GOLGA5: variants seen among roughly 807,000 people sequenced by gnomAD.
GOLGA5 encodes golgin A5, also known as golgin subfamily A member 5.
A neutral mutation model predicts 93.5 loss-of-function variants in GOLGA5; 50 were observed. The observed-to-expected ratio is 0.53, with a 90% CI of 0.43 to 0.68. The LOEUF is 0.68. Ranked by LOEUF, GOLGA5 falls within the 30% of genes least tolerant of loss-of-function variation. The probability of loss-of-function intolerance (pLI) is 0.00; values close to 1 mark genes in which losing one functional copy is unlikely to be tolerated. For missense variants in GOLGA5, 760 were observed against 856.4 expected, an observed-to-expected ratio of 0.89 and a Z score of 1.40; for synonymous variants, 312 against 304.5, an observed-to-expected ratio of 1.02 and a Z score of -0.26.
intron 9 of GOLGA5, among the ~76,000 whole-genome samples, chr14:92,827,055 T>G (rs1672948356): frequency 6.6e-6 from 1 of 152,188 alleles, no homozygotes; most frequent in Non-Finnish European, 1.5e-5. Context: ...TCTCTCTGTA[T>G]ATATATATCT....
At chr14:92,832,597 A>G (rs1217149984) in intron 9 of GOLGA5, among the ~76,000 whole-genome samples, 1 of 152,254 alleles carries the variant, frequency 6.6e-6, no homozygotes, top group Non-Finnish European at 1.5e-5. Context: ...AGATTCAGAG[A>G]AGTATAGCAA....
intron 8 of GOLGA5, among the ~76,000 whole-genome samples, chr14:92,822,428 T>C (rs765845738): frequency 1.2e-4 from 18 of 152,200 alleles, no homozygotes; most frequent in Non-Finnish European, 2.4e-4. Context: ...ATTTCAGTGA[T>C]TTGGACACAT....
intron 7 of GOLGA5, among the ~76,000 whole-genome samples, chr14:92,817,761 A>G (rs1285417570): frequency 6.6e-6 from 1 of 152,212 alleles, no homozygotes; most frequent in Non-Finnish European, 1.5e-5. Context: ...CCTTGTCTAG[A>G]GCATAGACTT....
At chr14:92,823,502 C>G (rs966524869) in intron 8 of GOLGA5, among the ~76,000 whole-genome samples, 23 of 151,804 alleles carry the variant, frequency 1.5e-4, no homozygotes, top group African/African-American at 5.6e-4. Flanking sequence ...CAGCCTCGAC[C>G]TCCTCAGGCT....
rs1428371066 is a variant in GOLGA5 at position 92,810,319 on chromosome 14, G to T, written c.1058G>T (p.Arg353Ile). Reference protein sequence around the residue: ...QNQALQTFQERLHEADATLKR... With the variant: ...QNQALQTFQEILHEADATLKR... Reference sequence around the variant, plus strand: ...CAAGCTCTGCAGACTTTTCAGGAGAGACTGCATGAAGCGGATGCCACTCTG... The same window carrying T: ...CAAGCTCTGCAGACTTTTCAGGAGATACTGCATGAAGCGGATGCCACTCTG... Residue 353 changes from arginine (R) to isoleucine (I), a missense_variant, in exon 5 of 13, where the codon AGA becomes ATA. By Grantham distance (97) the Arg-to-Ile change is moderately conservative (BLOSUM62 -3). Transcript: ENST00000163416. 2.5e-6 allele frequency: 4 copies of T among 1,607,006 alleles called. No homozygotes were observed. Among genetic ancestry groups the T allele is most frequent in the Non-Finnish European group, 3.4e-6 (4 of 1,175,290 alleles).
chr14:92,817,032 C>A (rs974022490), intron 7 of GOLGA5, among the ~76,000 whole-genome samples: 3 of 151,834 alleles, frequency 2.0e-5, no homozygotes, highest in Non-Finnish European at 4.4e-5. Flanking sequence ...ACTCCACCTG[C>A]CAGGTTCCAG....
intron 7 of GOLGA5, among the ~76,000 whole-genome samples, chr14:92,817,481 TC>T (rs1164914279): frequency 3.3e-5 from 5 of 152,196 alleles, no homozygotes; most frequent in Non-Finnish European, 7.3e-5. Flanking sequence ...TACAGTTTTA[TC>T]CTTATTCTTA....
At chr14:92,803,184 C>T (rs544471515) in intron 2 of GOLGA5, among the ~76,000 whole-genome samples, 1 of 152,172 alleles carries the variant, frequency 6.6e-6, no homozygotes, top group African/African-American at 2.4e-5. Context: ...TGCAGGCACA[C>T]ACCGCCATGC....
intron 7 of GOLGA5, among the ~76,000 whole-genome samples, chr14:92,817,055 C>T (rs1206566365): frequency 6.6e-6 from 1 of 152,080 alleles, no homozygotes; most frequent in Non-Finnish European, 1.5e-5. Context: ...ATTCTCCTGC[C>T]TCAGCCTCTT....
chr14:92,819,605 C>T (rs1482079655), intron 7 of GOLGA5, 103 bp from the exon 8 acceptor site: 1 of 1,083,870 alleles, frequency 9.2e-7, no homozygotes, highest in African/African-American at 1.6e-5. Flanking sequence ...TGCACTCCAG[C>T]CTGGGTGACG....
chr14:92,839,381 T>G lies in GOLGA5; in HGVS notation c.2131T>G (p.Trp711Gly). 6.2e-7 allele frequency: 1 copy of G among 1,612,540 alleles called. No individual in the cohort carries two copies. The highest frequency in any genetic ancestry group is 8.5e-7 in the Non-Finnish European group (1 of 1,178,836). ...VIIYMALLHL[W>G]VMIVLLTYTP... ...CTTTCTCTAGGCTTTGCTTCACCTCTGGGTCATGATTGTTCTGTTGACTTA... is the reference window on the plus strand; with the variant it reads ...CTTTCTCTAGGCTTTGCTTCACCTCGGGGTCATGATTGTTCTGTTGACTTA... Residue 711 changes from tryptophan (W) to glycine (G), a missense_variant, in exon 13 of 13, where the codon TGG (tryptophan) becomes GGG (glycine). Physicochemically the swap from Trp to Gly is radical, Grantham distance 184. Coordinates refer to ENST00000163416, the MANE Select transcript of GOLGA5 (RefSeq NM_005113.4).
At chr14:92,813,890 A>G (rs1885150739) in intron 6 of GOLGA5, among the ~76,000 whole-genome samples, 2 of 152,058 alleles carry the variant, frequency 1.3e-5, no homozygotes, top group African/African-American at 2.4e-5. Context: ...CAGCTAAGAG[A>G]TATGTGGGAG....
intron 2 of GOLGA5, among the ~76,000 whole-genome samples, chr14:92,802,014 C>T (rs6575291): frequency 0.81 from 122,824 of 152,150 alleles, 50,110 homozygotes; most frequent in African/African-American, 0.91. Context: ...GTTCATGGAC[C>T]TTTCCACTCC....
intron 10 of GOLGA5, 34 bp downstream of exon 10, chr14:92,833,381 A>G (rs771479622): frequency 1.5e-6 from 2 of 1,361,958 alleles, no homozygotes; most frequent in East Asian, 2.3e-5. Flanking sequence ...AGAACATTTC[A>G]TTCAAACATG....
intron 2 of GOLGA5, 38 bp downstream of exon 2, chr14:92,798,019 C>G: frequency 7.9e-7 from 1 of 1,269,846 alleles, no homozygotes; most frequent in African/African-American, 1.5e-5. Flanking sequence ...TAGAGTTAAG[C>G]AAATTGAATG....
Position 92,811,622 on chromosome 14 carries a change from C to G in GOLGA5, c.1188C>G (p.Ala396=). The change falls in exon 6 of 13, where the codon GCC becomes GCG. Residue 396 remains alanine, a synonymous_variant. Coordinates refer to ENST00000163416, the MANE Select transcript of GOLGA5 (RefSeq NM_005113.4). ...RQNLAEAITL[A]ERKYSDEKKR... ...ATTTAGCAGAAGCAATTACACTGGCCGAAAGAAAATACTCAGATGAGAAGA... is the reference window on the plus strand; with the variant it reads ...ATTTAGCAGAAGCAATTACACTGGCGGAAAGAAAATACTCAGATGAGAAGA... 6.2e-7 allele frequency: 1 copy of G among 1,612,182 alleles called. No homozygotes were observed. The highest frequency in any genetic ancestry group is 8.5e-7 in the Non-Finnish European group (1 of 1,178,644).
Position 92,821,155 on chromosome 14 carries a change from T to G in GOLGA5, c.1620+1319T>G, listed in dbSNP as rs1475886004. ...TGTTATATCTCCTAGTATAGAAAAC[T>G]TCAAAACATATTATATTCATCAGTT... On this transcript the variant is annotated intron_variant, in intron 8 of 12. Transcript: ENST00000163416. Among the ~76,000 whole-genome samples, 5 of 152,358 alleles carry G rather than the reference T, an allele frequency of 3.3e-5. No homozygotes were observed. The East Asian group carries it at 7.7e-4, about 23-fold the overall frequency.
In GOLGA5 at chr14:92,808,613, A is replaced by ACTGC. The variant is rs574365085; in HGVS notation, c.773-686_773-683dup. Among the ~76,000 whole-genome samples the ACTGC allele has an allele frequency of 5.9e-3, 882 of 149,748 alleles. 13 individuals are homozygous for ACTGC. In the South Asian group the frequency reaches 0.062, roughly 11 times the overall value. On this transcript the variant is annotated intron_variant, in intron 3 of 12. Coordinates refer to ENST00000163416, the MANE Select transcript of GOLGA5 (RefSeq NM_005113.4). The stretch of plus-strand genomic sequence containing the variant: ...GTGAGTCATGGGCCATGATCATGCC[A>ACTGC]CTGCACTCCAGCCGGGGCAACAGAG...
At chr14:92,832,877 CTA>C (rs1885559226) in intron 9 of GOLGA5, among the ~76,000 whole-genome samples, 2 of 152,124 alleles carry the variant, frequency 1.3e-5, no homozygotes, top group Non-Finnish European at 2.9e-5. Flanking sequence ...TTTATATATA[CTA>C]TATGTTACAT....
Sources: gnomAD v4.1 joint callset for allele counts (sites outside exome capture counted in the v4.1 genomes callset) on GRCh38, gnomAD v4.1.1 for gene constraint, MANE v1.5 for transcripts, NCBI Gene and HGNC (gene_info 2026-07-23, HGNC 2026-07-21) for gene names.